DLC1: variants seen among roughly 807,000 people sequenced by gnomAD.
DLC1 encodes the protein DLC1 Rho GTPase activating protein.
DLC1 carries 54 observed loss-of-function variants against 140.3 expected under a neutral mutation model. The observed-to-expected ratio is 0.38, with a 90% CI of 0.31 to 0.48. The LOEUF (loss-of-function observed/expected upper bound fraction) is 0.48, where lower values mean the gene tolerates loss of function less well. Ranked by LOEUF, DLC1 falls within the 20% of genes least tolerant of loss-of-function variation. The probability of loss-of-function intolerance (pLI) is 0.96; values close to 1 mark genes in which losing one functional copy is unlikely to be tolerated. For missense variants in DLC1, 2,536 were observed against 1,907.0 expected (o/e 1.33, Z -6.14); for synonymous variants, 986 against 728.1 (o/e 1.35, Z -5.70).
rs57984324 is a variant in DLC1 at position 13,268,872 on chromosome 8, C to CTTTTT, written c.1348+36392_1348+36396dup. Among the ~76,000 whole-genome samples the CTTTTT allele has an allele frequency of 4.7e-5, 6 of 126,450 alleles. 1 individual carries two copies. The highest frequency in any genetic ancestry group is 5.0e-5 in the Non-Finnish European group (3 of 59,760). 83.0% of individuals were successfully genotyped at this position (126,450 alleles called of 152,430 possible). On this transcript the variant is annotated intron_variant, in intron 5 of 17. Transcript: ENST00000276297. ...TACCCCTCCCATCTGTGCTTCCTTC[C>CTTTTT]TTTTTTTTTTTTTTTTTTTTGAGAT... is the stretch of plus-strand genomic sequence containing the variant.
intron 1 of DLC1, chr8:13,558,555 G>C (rs1804135289): frequency 6.6e-6 from 1 of 152,106 alleles, no homozygotes; most frequent in Non-Finnish European, 1.5e-5. Context: ...AGATTGTTAT[G>C]ACAATCACTA....
At chr8:13,253,503 T>C (rs1270088067) in intron 5 of DLC1, among the ~76,000 whole-genome samples, 1 of 152,120 alleles carries the variant, frequency 6.6e-6, no homozygotes, top group Non-Finnish European at 1.5e-5. Flanking sequence ...CATGGACATA[T>C]GACACAAAAT....
intron 4 of DLC1, among the ~76,000 whole-genome samples, chr8:13,378,657 GT>G (rs537052375): frequency 2.6e-5 from 4 of 151,944 alleles, no homozygotes; most frequent in Non-Finnish European, 4.4e-5. Flanking sequence ...CTTATTACAT[GT>G]TTTTTTGTTA....
intron 5 of DLC1, chr8:13,304,744 G>C: frequency 1.0e-6 from 1 of 957,394 alleles, no homozygotes; most frequent in African/African-American, 1.8e-5. Context: ...ATCAGTCCTT[G>C]TCCATTTCCC....
chr8:13,517,735 A>T (rs957568227), upstream of DLC1, among the ~76,000 whole-genome samples: 2 of 152,244 alleles, frequency 1.3e-5, no homozygotes, highest in African/African-American at 2.4e-5. Flanking sequence ...GGACAGGGAC[A>T]GTTAAGAACT....
intron 1 of DLC1, among the ~76,000 whole-genome samples, chr8:13,521,367 C>T (rs1177777850): frequency 6.6e-6 from 1 of 151,336 alleles, no homozygotes; most frequent in Non-Finnish European, 1.5e-5. Context: ...ACCTATGTAA[C>T]AAACCTACAC....
At chr8:13,295,230 T>G (rs1831901302) in intron 5 of DLC1, among the ~76,000 whole-genome samples, 3 of 152,338 alleles carry the variant, frequency 2.0e-5, no homozygotes, top group South Asian at 4.1e-4. Context: ...AACGTTTACA[T>G]TAACAAGAAG....
chr8:13,442,051 A>T (rs571827508), intron 2 of DLC1, among the ~76,000 whole-genome samples: 44 of 152,338 alleles, frequency 2.9e-4, no homozygotes, highest in African/African-American at 9.6e-4. Flanking sequence ...ATAATGCTGC[A>T]TATCTACAAC....
At chr8:13,193,723 C>T (rs757554265) in intron 5 of DLC1, among the ~76,000 whole-genome samples, 22 of 152,270 alleles carry the variant, frequency 1.4e-4, no homozygotes, top group Non-Finnish European at 2.4e-4. Context: ...GATTCAACCT[C>T]TTTGAGTGCT....
chr8:13,379,415 C>T (rs1244012101), intron 4 of DLC1, among the ~76,000 whole-genome samples: 1 of 152,192 alleles, frequency 6.6e-6, no homozygotes, highest in Non-Finnish European at 1.5e-5. Flanking sequence ...AGCATCCTAG[C>T]TTAGCCTAGC....
intron 4 of DLC1, among the ~76,000 whole-genome samples, chr8:13,344,511 C>A (rs538703500): frequency 6.6e-6 from 1 of 152,132 alleles, no homozygotes; most frequent in African/African-American, 2.4e-5. Flanking sequence ...CAAAACAAAA[C>A]AAAATACTTT....
At position 13,514,610 on chromosome 8, in the gene DLC1, C is replaced by T. The variant is rs1802523324; in HGVS notation, c.-134G>A. 2.5e-6 allele frequency: 1 copy of T among 398,526 alleles called. No individual in the cohort carries two copies. Among genetic ancestry groups the T allele is most frequent in the Non-Finnish European group, 4.4e-6 (1 of 226,028 alleles). The allele number at this position is 398,526 out of a possible 1,614,324, so 24.7% of individuals were successfully genotyped here. On this transcript the variant is annotated 5_prime_UTR_variant, in exon 1 of 18. Coordinates refer to ENST00000276297, the MANE Select transcript of DLC1 (RefSeq NM_182643.3). ...AGTCCATAGCGTCTTACCTAGACAA[C>T]GAGGAGCTGAAACGCCAAGGCATGA...
At chr8:13,495,696 C>T (rs556824359) in intron 2 of DLC1, among the ~76,000 whole-genome samples, 1 of 152,080 alleles carries the variant, frequency 6.6e-6, no homozygotes, top group Non-Finnish European at 1.5e-5. Context: ...TGTGACTAAA[C>T]CCTGGTAGTC....
At chr8:13,147,891 G>C (rs552712476) in intron 5 of DLC1, among the ~76,000 whole-genome samples, 5 of 152,250 alleles carry the variant, frequency 3.3e-5, no homozygotes, top group African/African-American at 9.6e-5. Flanking sequence ...GGGAGACTGA[G>C]GCAGGAGAAT....
rs929211088 is a variant in DLC1 at position 13,284,264 on chromosome 8, T to G, written c.1348+21005A>C. ...GATAACGGCCTGGCGCGGTGGCTCA[T>G]GCCTGTAATCCCAACACTTTGGGAG... is the stretch of plus-strand genomic sequence containing the variant. On this transcript the variant is annotated intron_variant, in intron 5 of 17. Coordinates refer to ENST00000276297, the MANE Select transcript of DLC1 (RefSeq NM_182643.3). Among the ~76,000 whole-genome samples, 3 of 152,190 alleles carry G rather than the reference T, an allele frequency of 2.0e-5. No homozygotes were observed. In the East Asian group the frequency reaches 5.8e-4, roughly 29 times the overall value.
At chr8:13,466,738 A>C (rs1037695753) in intron 2 of DLC1, among the ~76,000 whole-genome samples, 59 of 152,194 alleles carry the variant, frequency 3.9e-4, no homozygotes, top group African/African-American at 1.4e-3. Context: ...ATCTTCCTGG[A>C]TACCTTTATC....
chr8:13,142,752 C>T (rs1217685426), intron 5 of DLC1, among the ~76,000 whole-genome samples: 2 of 152,034 alleles, frequency 1.3e-5, no homozygotes, highest in African/African-American at 2.4e-5. Flanking sequence ...TCAAAATATA[C>T]AGAGTAAAAC....
rs749582558 is a variant in DLC1 at position 13,086,355 on chromosome 8, C to G, written c.4401G>C (p.Arg1467Ser). The G allele has an allele frequency of 1.2e-6, 2 of 1,614,170 alleles. No individual in the cohort carries two copies. Among genetic ancestry groups the G allele is most frequent in the Non-Finnish European group, 1.7e-6 (2 of 1,180,028 alleles). The change falls in exon 17 of 18, where the codon AGG becomes AGC. Residue 1467 changes from arginine (R) to serine (S), a missense_variant. Arg to Ser is a moderately radical substitution (Grantham distance 110, BLOSUM62 -1). Coordinates refer to ENST00000276297, the MANE Select transcript of DLC1 (RefSeq NM_182643.3). ...CTGGCCCACAGGGTTCAATCAAATACCTGGACAAGAGCACATTAACCCTCA... is the reference window on the plus strand; with the variant it reads ...CTGGCCCACAGGGTTCAATCAAATAGCTGGACAAGAGCACATTAACCCTCA... ...VGVRVNVLLS[R>S]YLIEPCGPGK...
chr8:13,579,460 AATACAT>A, intron 1 of DLC1, among the ~76,000 whole-genome samples: 1 of 75,246 alleles, frequency 1.3e-5, no homozygotes, highest in African/African-American at 6.7e-5. Flanking sequence ...TTATATATTT[AATACAT>A]TATATTTTAT....
Sources: gnomAD v4.1 joint callset for allele counts (sites outside exome capture counted in the v4.1 genomes callset) on GRCh38, gnomAD v4.1.1 for gene constraint, MANE v1.5 for transcripts, NCBI Gene and HGNC (gene_info 2026-07-23, HGNC 2026-07-21) for gene names.